PHC2: variants seen among roughly 807,000 people sequenced by gnomAD.
The protein encoded by PHC2 is polyhomeotic-like protein 2.
In PHC2, 29 loss-of-function variants were observed where a neutral mutation model predicts 87.4. That is an observed-to-expected ratio of 0.33 (90% CI 0.25 to 0.45). PHC2 has a LOEUF of 0.45. Among genes scored for constraint, PHC2 ranks in the 20% least tolerant of loss-of-function variants. The probability of loss-of-function intolerance (pLI) is 1.00; values close to 1 mark genes in which losing one functional copy is unlikely to be tolerated. For missense variants in PHC2, 857 were observed against 1,136.7 expected, an observed-to-expected ratio of 0.75 and a Z score of 3.54; for synonymous variants, 438 against 461.7, an observed-to-expected ratio of 0.95 and a Z score of 0.66.
rs116818513 is a variant in PHC2, at chr1:33,342,525, C to G, written c.1559-8233G>C. On this transcript the variant is annotated intron_variant, in intron 9 of 14. Transcript: ENST00000683057. ...ATGGAGCGAACAGCCACCCTCCCCC[C>G]ACCCCATGCAGTTCAGGACAACGGG... Among the ~76,000 whole-genome samples, 727 of 146,944 alleles carry G rather than the reference C, an allele frequency of 4.9e-3. 2 individuals carry two copies. The highest frequency in any genetic ancestry group is 0.014 in the Middle Eastern group (4 of 286).
In PHC2 at chr1:33,349,867, G is replaced by A. The variant is rs1335278187; in HGVS notation, c.1558+4534C>T. 1.5e-5 allele frequency: 15 copies of A among 977,936 alleles called. No individual in the cohort carries two copies. Among genetic ancestry groups the A allele is most frequent in the African/African-American group, 3.5e-5 (2 of 56,460 alleles). The allele number at this position is 977,936 out of a possible 1,614,324, so 60.6% of individuals were successfully genotyped here. On this transcript the variant is annotated intron_variant, in intron 9 of 14. Transcript: ENST00000683057. The surrounding 1 kb of genome is among the most constrained non-coding windows in gnomAD (Gnocchi z 4.2). ...GGTTGCGCGCGCGCGCGCGGCGGGCGCTCGAGGGCTGCAGCCGCCGCGGAG... is the reference window on the plus strand; with the variant it reads ...GGTTGCGCGCGCGCGCGCGGCGGGCACTCGAGGGCTGCAGCCGCCGCGGAG...
chr1:33,365,835 G>A (rs894524555), intron 7 of PHC2, among the ~76,000 whole-genome samples: 1 of 151,622 alleles, frequency 6.6e-6, no homozygotes, highest in East Asian at 2.0e-4. Flanking sequence ...TGCCATGTGC[G>A]CTGCTTTGCT....
chr1:33,367,541 G>A (rs1200877672), intron 6 of PHC2, 113 bp from the exon 7 acceptor site: 4 of 837,484 alleles, frequency 4.8e-6, no homozygotes, highest in Non-Finnish European at 5.6e-6. Context: ...ACAGGAGGTT[G>A]TCAAATCAGA....
chr1:33,414,020 T>C (rs1010592905), intron 1 of PHC2, among the ~76,000 whole-genome samples: 1 of 152,204 alleles, frequency 6.6e-6, no homozygotes, highest in East Asian at 1.9e-4. Context: ...CATCATTTAG[T>C]ATCTCTAGAT....
rs1193365242 is a variant in PHC2, at chr1:33,362,367, A to AG, written c.976+4748dup. 2.0e-5 allele frequency among the ~76,000 whole-genome samples: 3 copies of AG among 152,158 alleles called. No individual in the cohort carries two copies. In the East Asian group the frequency reaches 5.8e-4, roughly 29 times the overall value. ...TGGACAGTGCTCAGGAAACTGGTAG[A>AG]GGGGGCCTTTCCAGAGAGGAAGATG... On this transcript the variant is annotated intron_variant, in intron 7 of 14. Coordinates refer to ENST00000683057, the MANE Select transcript of PHC2 (RefSeq NM_001385109.1).
rs898227680 is a variant in PHC2, at chr1:33,331,150, G to A, written c.2006+198C>T. Among the ~76,000 whole-genome samples, 2 of 152,192 alleles carry A rather than the reference G, an allele frequency of 1.3e-5. No homozygotes were observed. The highest frequency in any genetic ancestry group is 4.8e-5 in the African/African-American group (2 of 41,450). ...TGCGGCTTTTCCTTGGACTCCCGCT[G>A]CTCTCTCCCACCTGCTCTTAGGGGT... On this transcript the variant is annotated intron_variant, in intron 12 of 14. Transcript: ENST00000683057. The surrounding 1 kb of genome is among the most constrained non-coding windows in gnomAD (Gnocchi z 5.2).
Position 33,332,331 on chromosome 1 carries a change from G to C in PHC2, c.1835C>G (p.Pro612Arg), listed in dbSNP as rs755767833. The change falls in exon 11 of 15, where the codon CCA (proline) becomes CGA (arginine). Residue 612 changes from proline to arginine, a missense_variant. Pro to Arg is a moderately radical substitution (Grantham distance 103, BLOSUM62 -2). Around this residue, in one of 3 missense-constraint regions of PHC2, gnomAD observed 832 missense variants for 1,081.8 expected, o/e 0.77. Transcript: ENST00000683057. The surrounding 1 kb of genome is among the most constrained non-coding windows in gnomAD (Gnocchi z 4.2). ...YAQGFLPEKL[P>R]QQDHTTTTDS... Reference sequence around the variant, plus strand: ...AGTGGTGGTGGTGTGATCCTGCTGTGGAAGTTTCTCAGGCAGGAACCCCTG... The same window carrying C: ...AGTGGTGGTGGTGTGATCCTGCTGTCGAAGTTTCTCAGGCAGGAACCCCTG... The C allele has an allele frequency of 5.6e-6, 9 of 1,614,088 alleles. No homozygotes were observed. In the South Asian group the frequency reaches 9.9e-5, roughly 18 times the overall value.
chr1:33,400,222 A>C (rs1649467088), intron 1 of PHC2, among the ~76,000 whole-genome samples: 1 of 152,182 alleles, frequency 6.6e-6, no homozygotes, highest in African/African-American at 2.4e-5. Flanking sequence ...TTTAGAGGGC[A>C]ATTTGGCAAT....
At position 33,332,270 on chromosome 1, in the gene PHC2, C is replaced by T. The variant is rs765476054; in HGVS notation, c.1891+5G>A. On this transcript the variant is annotated splice_donor_5th_base_variant and intron_variant, in intron 11 of 14. Coordinates refer to ENST00000683057, the MANE Select transcript of PHC2 (RefSeq NM_001385109.1). This position sits in a 1 kb window ranked among gnomAD's most constrained non-coding sequence, Gnocchi z 4.2. The stretch of plus-strand genomic sequence containing the variant: ...GCCGAGAGATTCAGGGTCTGAGATG[C>T]CCACCTTGCAGATAGGGCTCCTCCA... 1 of 1,614,040 alleles carries T rather than the reference C, an allele frequency of 6.2e-7. No individual in the cohort carries two copies. Among genetic ancestry groups the T allele is most frequent in the Non-Finnish European group, 8.5e-7 (1 of 1,179,946 alleles).
At position 33,330,076 on chromosome 1, in the gene PHC2, TCTTGGTATC is replaced by T; in HGVS notation, c.2134_2142del (p.Asp712_Lys714del). The T allele has an allele frequency of 6.2e-7, 1 of 1,613,766 alleles. No homozygotes were observed. Among genetic ancestry groups the T allele is most frequent in the Non-Finnish European group, 8.5e-7 (1 of 1,179,950 alleles). ...AGGCTCTGCCCGCCTCTTACCTGCTTCTTGGTATCCTTGGTAAGTGGTGGCAGACTGGCT... is the reference window on the plus strand; with the variant it reads ...AGGCTCTGCCCGCCTCTTACCTGCTTCTTGGTAAGTGGTGGCAGACTGGCT... On this transcript the variant is annotated inframe_deletion, in exon 13 of 15. Coordinates refer to ENST00000683057, the MANE Select transcript of PHC2 (RefSeq NM_001385109.1).
intron 2 of PHC2, among the ~76,000 whole-genome samples, chr1:33,373,898 T>A (rs901933766): frequency 6.6e-6 from 1 of 152,098 alleles, no homozygotes; most frequent in Admixed American, 6.5e-5. Context: ...CAAAACAGCC[T>A]CTGGCTCAGA....
intron 1 of PHC2, among the ~76,000 whole-genome samples, chr1:33,379,732 CT>C (rs1648398521): frequency 6.6e-6 from 1 of 151,250 alleles, no homozygotes; most frequent in Non-Finnish European, 1.5e-5. Flanking sequence ...CCCCCTCGCT[CT>C]TGCTCCCACT....
At position 33,349,035 on chromosome 1, in the gene PHC2, G is replaced by A. The variant is rs998832759; in HGVS notation, c.1558+5366C>T. ...CAAATCCCGATTTTAATGTAAAGAA[G>A]CAACAAATATAGTCTACCTTCATTT... On this transcript the variant is annotated intron_variant, in intron 9 of 14. Coordinates refer to ENST00000683057, the MANE Select transcript of PHC2 (RefSeq NM_001385109.1). This position sits in a 1 kb window ranked among gnomAD's most constrained non-coding sequence, Gnocchi z 4.2. The A allele has an allele frequency of 3.1e-6, 3 of 972,248 alleles. No individual in the cohort carries two copies. The highest frequency in any genetic ancestry group is 3.7e-6 in the Non-Finnish European group (3 of 818,160). 60.2% of individuals were successfully genotyped at this position (972,248 alleles called of 1,614,324 possible). A position where few individuals can be genotyped will look rare whatever the true frequency, so the allele number is the denominator to read the frequency against.
chr1:33,373,880 C>T (rs747982859), intron 2 of PHC2, among the ~76,000 whole-genome samples: 1 of 152,074 alleles, frequency 6.6e-6, no homozygotes, highest in Non-Finnish European at 1.5e-5. Context: ...GGGCTGACAG[C>T]TCTAGGACAA....
intron 1 of PHC2, among the ~76,000 whole-genome samples, chr1:33,391,979 G>A (rs1221385452): frequency 2.6e-5 from 4 of 152,198 alleles, no homozygotes; most frequent in African/African-American, 9.7e-5. Flanking sequence ...GATAAGGGAG[G>A]TTAGAGGCGA....
At chr1:33,424,181 G>A (rs975443559) in intron 1 of PHC2, among the ~76,000 whole-genome samples, 1 of 151,808 alleles carries the variant, frequency 6.6e-6, no homozygotes, top group Admixed American at 6.6e-5. Flanking sequence ...CTATTATAGA[G>A]ATTGATTCAT....
Position 33,349,678 on chromosome 1 carries a change from C to G in PHC2, c.1558+4723G>C. On this transcript the variant is annotated intron_variant, in intron 9 of 14. Transcript: ENST00000683057. The surrounding 1 kb of genome is among the most constrained non-coding windows in gnomAD (Gnocchi z 4.2). ...GCGCCGACTCGCGCGGGGTCCCGGG[C>G]CCGGGCGGGCCGCCTCCTCTCCGCC... 2 of 984,138 alleles carry G rather than the reference C, an allele frequency of 2.0e-6. No homozygotes were observed. Among genetic ancestry groups the G allele is most frequent in the Non-Finnish European group, 2.4e-6 (2 of 830,558 alleles). 61.0% of individuals were successfully genotyped at this position (984,138 alleles called of 1,614,324 possible). A position where few individuals can be genotyped will look rare whatever the true frequency, so the allele number is the denominator to read the frequency against.
intron 9 of PHC2, among the ~76,000 whole-genome samples, chr1:33,340,778 T>C (rs985872947): frequency 2.6e-5 from 4 of 152,152 alleles, no homozygotes; most frequent in Admixed American, 2.6e-4. Context: ...TCTGGGACCC[T>C]GACAGAGTCC....
intron 1 of PHC2, among the ~76,000 whole-genome samples, chr1:33,389,324 T>C (rs1648934078): frequency 6.6e-6 from 1 of 152,244 alleles, no homozygotes. Flanking sequence ...CTTGGGGATA[T>C]TGTTCATGCA....
Sources: allele counts gnomAD v4.1 joint callset (sites outside exome capture counted in the v4.1 genomes callset), GRCh38; gene constraint gnomAD v4.1.1; regional missense constraint gnomAD v4.1.1; non-coding constraint Gnocchi (gnomAD v3.1); transcripts MANE v1.5; gene names NCBI Gene and HGNC (gene_info 2026-07-23, HGNC 2026-07-21).